The following PCSK6 variants were observed in gnomAD, a reference collection of about 807,000 sequenced individuals.
PCSK6 encodes the protein proprotein convertase subtilisin/kexin type 6, also known as paired basic amino acid cleaving enzyme 4.
In PCSK6, 85 loss-of-function variants were observed where a neutral mutation model predicts 123.3. That is an observed-to-expected ratio of 0.69 (90% CI 0.58 to 0.83). The LOEUF is 0.83. Ranked by LOEUF, PCSK6 falls within the 40% of genes least tolerant of loss-of-function variation. The probability of loss-of-function intolerance (pLI) is 0.00; values close to 1 mark genes in which losing one functional copy is unlikely to be tolerated. For missense variants in PCSK6, 1,191 were observed against 1,282.3 expected, an observed-to-expected ratio of 0.93 and a Z score of 1.09; for synonymous variants, 508 against 516.0, an observed-to-expected ratio of 0.98 and a Z score of 0.21.
At chr15:101,308,618 C>G (rs11634179) in intron 20 of PCSK6, 19,366 of 152,066 alleles carry the variant, frequency 0.13, 1,686 homozygotes, top group Non-Finnish European at 0.18. Context: ...CTCACACCCA[C>G]GAGCCTTTCT....
At chr15:101,435,944 C>T (rs1208429770) in intron 2 of PCSK6, among the ~76,000 whole-genome samples, 2 of 152,206 alleles carry the variant, frequency 1.3e-5, no homozygotes, top group Non-Finnish European at 1.5e-5. Flanking sequence ...CCATGGGCAG[C>T]CTTGGCCCTG....
chr15:101,358,820 C>T (rs2041124636), intron 13 of PCSK6, among the ~76,000 whole-genome samples: 1 of 152,244 alleles, frequency 6.6e-6, no homozygotes, highest in African/African-American at 2.4e-5. Context: ...TTCCCTCACC[C>T]TGGGAGGATC....
Position 101,403,377 on chromosome 15 carries a change from T to A in PCSK6, c.824-4801A>T, listed in dbSNP as rs528844180. Among the ~76,000 whole-genome samples the A allele has an allele frequency of 1.6e-3, 241 of 150,382 alleles. 1 individual carries two copies. The highest frequency in any genetic ancestry group is 4.1e-3 in the African/African-American group (169 of 40,874). ...CATGGCACATGTACACATATGTAACTAACCTGCACATTGTGCACATGTACC... is the reference window on the plus strand; with the variant it reads ...CATGGCACATGTACACATATGTAACAAACCTGCACATTGTGCACATGTACC... On this transcript the variant is annotated intron_variant, in intron 6 of 21. Coordinates refer to ENST00000611716, the MANE Select transcript of PCSK6 (RefSeq NM_002570.5).
chr15:101,307,321 C>T lies in PCSK6; in HGVS notation c.2704G>A (p.Asp902Asn), dbSNP rs1411325384. 1 of 1,611,758 alleles carries T rather than the reference C, an allele frequency of 6.2e-7. No individual in the cohort carries two copies. Among genetic ancestry groups the T allele is most frequent in the African/African-American group, 1.3e-5 (1 of 75,028 alleles). The change falls in exon 21 of 22, where the codon GAC becomes AAC. Residue 902 changes from aspartate (D) to asparagine (N), a missense_variant. By Grantham distance (23) the Asp-to-Asn change is conservative (BLOSUM62 1). Coordinates refer to ENST00000611716, the MANE Select transcript of PCSK6 (RefSeq NM_002570.5). ...GLPHKVCRRCDENCLSCAGSS... is the reference protein window; with the variant it reads ...GLPHKVCRRCNENCLSCAGSS... ...CCTGCACAGCTCAAGCAGTTCTCGT[C>T]ACACCTGTGGGAAGATACCGTTCCT...
intron 13 of PCSK6, among the ~76,000 whole-genome samples, chr15:101,353,099 A>T (rs916634012): frequency 6.6e-6 from 1 of 152,176 alleles, no homozygotes; most frequent in African/African-American, 2.4e-5. Context: ...TCATTATTAC[A>T]TTGTAAAACA....
intron 1 of PCSK6, among the ~76,000 whole-genome samples, chr15:101,444,638 A>G (rs2056840299): frequency 1.3e-5 from 2 of 152,184 alleles, no homozygotes; most frequent in South Asian, 2.1e-4. Context: ...CCCTCCACCA[A>G]GATTAGCCAT....
chr15:101,483,476 T>C (rs983755994), intron 1 of PCSK6, among the ~76,000 whole-genome samples: 1 of 152,234 alleles, frequency 6.6e-6, no homozygotes, highest in Non-Finnish European at 1.5e-5. Context: ...GCCTGCCTTT[T>C]TATGTTCAGA....
At position 101,489,676 on chromosome 15, in the gene PCSK6, C is replaced by G. The variant is rs1033915825; in HGVS notation, c.-6G>C. On this transcript the variant is annotated 5_prime_UTR_variant, in exon 1 of 22. Coordinates refer to ENST00000611716, the MANE Select transcript of PCSK6 (RefSeq NM_002570.5). ...GGCGGCGCGCGCGGAGGCATAGCGG[C>G]GACAGGCTCGCGCGGCGCCCGAGCT... 9 of 974,394 alleles carry G rather than the reference C, an allele frequency of 9.2e-6. No homozygotes were observed. Among genetic ancestry groups the G allele is most frequent in the Non-Finnish European group, 1.1e-5 (9 of 823,174 alleles). The allele number at this position is 974,394 out of a possible 1,614,324, so 60.4% of individuals were successfully genotyped here.
At chr15:101,394,140 T>TA (rs1035928073) in intron 7 of PCSK6, among the ~76,000 whole-genome samples, 2 of 80,952 alleles carry the variant, frequency 2.5e-5, no homozygotes, top group East Asian at 4.2e-4. Flanking sequence ...TTTTTTTGTT[T>TA]TTTGTTTTTT....
intron 1 of PCSK6, among the ~76,000 whole-genome samples, chr15:101,474,399 A>G (rs1238138568): frequency 1.3e-5 from 2 of 152,216 alleles, no homozygotes; most frequent in Non-Finnish European, 2.9e-5. Context: ...GTGGAAAGCT[A>G]AAACTGGCGC....
chr15:101,393,944 GA>G (rs991656406), intron 7 of PCSK6, among the ~76,000 whole-genome samples: 7 of 152,166 alleles, frequency 4.6e-5, no homozygotes, highest in Non-Finnish European at 7.3e-5. Flanking sequence ...TGCAAAGAGG[GA>G]TAGGACCATG....
intron 8 of PCSK6, 112 bp from the exon 9 acceptor site, chr15:101,389,676 T>A: frequency 1.3e-6 from 1 of 779,740 alleles, no homozygotes; most frequent in Non-Finnish European, 2.1e-6. Flanking sequence ...ACCCTGGGTC[T>A]CGGGAACAAA....
intron 13 of PCSK6, chr15:101,347,519 AT>A: frequency 7.4e-7 from 1 of 1,348,332 alleles, no homozygotes; most frequent in Non-Finnish European, 9.6e-7. Context: ...GGTTAAAATT[AT>A]GTAAGCTCTT....
intron 1 of PCSK6, chr15:101,462,976 T>C: frequency 2.2e-6 from 1 of 455,376 alleles, no homozygotes; most frequent in Admixed American, 2.3e-5. Context: ...GAAGGCTTTG[T>C]GCAGAGGAGG....
intron 13 of PCSK6, among the ~76,000 whole-genome samples, chr15:101,355,192 C>T (rs2041003748): frequency 6.6e-6 from 1 of 152,222 alleles, no homozygotes; most frequent in Non-Finnish European, 1.5e-5. Context: ...AAAGTGAATT[C>T]TCAGAGTTCA....
intron 1 of PCSK6, among the ~76,000 whole-genome samples, chr15:101,458,600 T>A (rs775118313): frequency 2.0e-5 from 3 of 151,930 alleles, no homozygotes; most frequent in Non-Finnish European, 4.4e-5. Context: ...ATGTGTATCT[T>A]CTCCAGCGCA....
intron 6 of PCSK6, among the ~76,000 whole-genome samples, chr15:101,405,766 CAG>C (rs2042757647): frequency 6.6e-6 from 1 of 150,836 alleles, no homozygotes; most frequent in African/African-American, 2.4e-5. Context: ...TTTTTTCAGA[CAG>C]AGTCTCCCTC....
chr15:101,435,780 G>A (rs1029261863), intron 2 of PCSK6, among the ~76,000 whole-genome samples: 3 of 152,176 alleles, frequency 2.0e-5, no homozygotes, highest in Admixed American at 6.5e-5. Context: ...TTGATAAGAC[G>A]AGGTAAAATC....
chr15:101,448,676 G>A (rs900395046), intron 1 of PCSK6, among the ~76,000 whole-genome samples: 1 of 152,268 alleles, frequency 6.6e-6, no homozygotes, highest in African/African-American at 2.4e-5. Context: ...CTGAGGCACA[G>A]AGCAGTGAAA....
Sources: allele counts gnomAD v4.1 joint callset (sites outside exome capture counted in the v4.1 genomes callset), GRCh38; gene constraint gnomAD v4.1.1; transcripts MANE v1.5; gene names NCBI Gene and HGNC (gene_info 2026-07-23, HGNC 2026-07-21).